The following SYNDIG1L variants were observed in gnomAD, a reference collection of about 807,000 sequenced individuals.
SYNDIG1L encodes synapse differentiation-inducing gene protein 1-like.
In SYNDIG1L, 13 loss-of-function variants were observed where a neutral mutation model predicts 20.1. That is an observed-to-expected ratio of 0.65 (90% confidence interval 0.42 to 1.03). SYNDIG1L has a LOEUF of 1.03. SYNDIG1L is among the 50% of genes least tolerant of loss of function. SYNDIG1L has a pLI of 0.00. For missense variants in SYNDIG1L, 294 were observed against 305.1 expected (o/e 0.96, Z 0.27); for synonymous variants, 128 against 129.3 (o/e 0.99, Z 0.07).
At chr14:74,430,234 T>C (rs1462888357), upstream of SYNDIG1L, among the ~76,000 whole-genome samples, 1 of 152,154 alleles carries the variant, frequency 6.6e-6, no homozygotes, top group African/African-American at 2.4e-5. Flanking sequence ...ATCCGCAGGC[T>C]GCTCGGGGCA....
the SYNDIG1L span, among the ~76,000 whole-genome samples, chr14:74,448,352 G>A: frequency 1.0e-3 from 153 of 152,240 alleles, 6 homozygotes; most frequent in South Asian, 0.031. Context: ...GAAGGCTGGA[G>A]CTGAAATCTA....
In SYNDIG1L at chr14:74,406,325, T is replaced by G; in HGVS notation, c.*1210A>C. The G allele has an allele frequency of 2.7e-6, 1 of 364,362 alleles. No individual in the cohort carries two copies. 22.6% of individuals were successfully genotyped at this position (364,362 alleles called of 1,614,324 possible). A position where few individuals can be genotyped will look rare whatever the true frequency, so the allele number is the denominator to read the frequency against. ...TGGTCTTTGAGAGACAGGTGTGACG[T>G]TCCTCCTTGAGTTGGCAGAACCCTT... On this transcript the variant is annotated 3_prime_UTR_variant, in exon 4 of 4. Coordinates refer to ENST00000331628, the MANE Select transcript of SYNDIG1L (RefSeq NM_001105579.2).
In SYNDIG1L at chr14:74,407,429, C is replaced by A. The variant is rs1003426365; in HGVS notation, c.*106G>T. ...GGTCTCCCCCTCAGCAAGCCACTCT[C>A]ACGGGATCATCTTCAGGGGCCGGGC... is the stretch of plus-strand genomic sequence containing the variant. On this transcript the variant is annotated 3_prime_UTR_variant, in exon 4 of 4. Transcript: ENST00000331628. 6.6e-7 allele frequency: 1 copy of A among 1,507,060 alleles called. No homozygotes were observed. The highest frequency in any genetic ancestry group is 1.4e-5 in the African/African-American group (1 of 73,138). 93.4% of individuals were successfully genotyped at this position (1,507,060 alleles called of 1,614,324 possible).
At chr14:74,440,675 A>C in the SYNDIG1L span, among the ~76,000 whole-genome samples, 1 of 151,988 alleles carries the variant, frequency 6.6e-6, no homozygotes, top group Admixed American at 6.6e-5. Flanking sequence ...ACACAGCGAG[A>C]CTCTGTCTAA....
chr14:74,475,337 A>C, the SYNDIG1L span, among the ~76,000 whole-genome samples: 1 of 151,170 alleles, frequency 6.6e-6, no homozygotes, highest in Admixed American at 6.6e-5. Flanking sequence ...GTATATTCTT[A>C]TCATCCTGTT....
At chr14:74,447,538 G>C in the SYNDIG1L span, among the ~76,000 whole-genome samples, 1,039 of 149,438 alleles carry the variant, frequency 7.0e-3, 9 homozygotes, top group South Asian at 0.029. Flanking sequence ...AGTGAGCCAA[G>C]ATTGCACCAC....
chr14:74,430,344 G>C (rs1454459125), upstream of SYNDIG1L, among the ~76,000 whole-genome samples: 1 of 152,172 alleles, frequency 6.6e-6, no homozygotes, highest in Non-Finnish European at 1.5e-5. Context: ...GAGGTTGGGG[G>C]TGCCAGGGTG....
At position 74,409,699 on chromosome 14, in the gene SYNDIG1L, G is replaced by A. The variant is rs765155655; in HGVS notation, c.46C>T (p.Pro16Ser). The A allele has an allele frequency of 3.2e-5, 47 of 1,471,226 alleles. No homozygotes were observed. The highest frequency in any genetic ancestry group is 4.2e-5 in the Non-Finnish European group (47 of 1,110,300). 91.1% of individuals were successfully genotyped at this position (1,471,226 alleles called of 1,614,324 possible). A position where few individuals can be genotyped will look rare whatever the true frequency, so the allele number is the denominator to read the frequency against. Residue 16 changes from proline (P) to serine (S), a missense_variant, in exon 2 of 4, where the codon CCT becomes TCT. Transcript: ENST00000331628. ...GGATAGGGGCCATGGAGATGGGCAG[G>A]GCTCCTGGGCAGCAGCGGGTTCTGT... is the stretch of plus-strand genomic sequence containing the variant. The part of the protein sequence containing the change: ...ELQNPLLPRS[P>S]AHLHGPYPYP...
upstream of SYNDIG1L, among the ~76,000 whole-genome samples, chr14:74,426,841 C>T (rs1444009755): frequency 1.3e-5 from 2 of 151,270 alleles, no homozygotes; most frequent in Non-Finnish European, 2.9e-5. Flanking sequence ...GGTTTTAAAG[C>T]TCATGGACCT....
At chr14:74,468,110 C>G in the SYNDIG1L span, among the ~76,000 whole-genome samples, 1 of 152,068 alleles carries the variant, frequency 6.6e-6, no homozygotes, top group Non-Finnish European at 1.5e-5. Flanking sequence ...TTGGCCTGAC[C>G]TATGAAAGGA....
chr14:74,418,805 A>G (rs914330171), intron 1 of SYNDIG1L, among the ~76,000 whole-genome samples: 6 of 152,170 alleles, frequency 3.9e-5, no homozygotes, highest in Non-Finnish European at 8.8e-5. Flanking sequence ...CAGCCTCCTC[A>G]TCATCCCCAA....
At chr14:74,454,156 C>G in the SYNDIG1L span, among the ~76,000 whole-genome samples, 1 of 152,174 alleles carries the variant, frequency 6.6e-6, no homozygotes, top group East Asian at 1.9e-4. Context: ...ATGTTCTTTA[C>G]AGAAGTTAAA....
At chr14:74,413,017 T>C (rs1247623182) in intron 1 of SYNDIG1L, among the ~76,000 whole-genome samples, 3 of 152,134 alleles carry the variant, frequency 2.0e-5, no homozygotes, top group African/African-American at 7.2e-5. Context: ...CTACGCTCTG[T>C]CTCACCAGGA....
the SYNDIG1L span, among the ~76,000 whole-genome samples, chr14:74,463,979 G>A: frequency 6.6e-6 from 1 of 152,140 alleles, no homozygotes; most frequent in Non-Finnish European, 1.5e-5. Flanking sequence ...TCTACACTGC[G>A]GCATAAGCAG....
the SYNDIG1L span, among the ~76,000 whole-genome samples, chr14:74,437,396 C>CAGGG: frequency 6.6e-6 from 1 of 152,236 alleles, no homozygotes; most frequent in Non-Finnish European, 1.5e-5. Flanking sequence ...TTAGAATGAC[C>CAGGG]AGGGCTGGAA....
At chr14:74,458,978 T>C in the SYNDIG1L span, among the ~76,000 whole-genome samples, 1 of 151,874 alleles carries the variant, frequency 6.6e-6, no homozygotes, top group South Asian at 2.1e-4. Flanking sequence ...GTGGGCAATG[T>C]GTGTGAGAGC....
At chr14:74,423,693 TAC>T (rs10532344) in intron 1 of SYNDIG1L, among the ~76,000 whole-genome samples, 83,519 of 151,230 alleles carry the variant, frequency 0.55, 23,174 homozygotes, top group East Asian at 0.68. Flanking sequence ...GATATATATA[TAC>T]ACACACACAC....
the SYNDIG1L span, among the ~76,000 whole-genome samples, chr14:74,477,049 CA>C: frequency 2.4e-5 from 1 of 42,032 alleles, no homozygotes; most frequent in Non-Finnish European, 5.5e-5. Flanking sequence ...AACACACACA[CA>C]CACACACACA....
intron 2 of SYNDIG1L, 36 bp downstream of exon 2, chr14:74,409,292 C>A: frequency 7.3e-7 from 1 of 1,375,312 alleles, no homozygotes; most frequent in South Asian, 1.7e-5. Flanking sequence ...TTGTGTTGCT[C>A]ATGCTGGAAT....
Sources: gnomAD v4.1 joint callset for allele counts (sites outside exome capture counted in the v4.1 genomes callset) on GRCh38, gnomAD v4.1.1 for gene constraint, MANE v1.5 for transcripts, NCBI Gene and HGNC (gene_info 2026-07-23, HGNC 2026-07-21) for gene names.